ASCC3: variants seen among roughly 807,000 people sequenced by gnomAD.
ASCC3 encodes the protein activating signal cointegrator 1 complex subunit 3, also known as ASC-1 complex subunit P200.
Under a neutral mutation model 256.3 loss-of-function variants are expected in ASCC3, and 158 were observed. The ratio of observed to expected loss-of-function variants is 0.62; its 90% CI spans 0.54 to 0.70. The LOEUF is 0.70. ASCC3 is among the 30% of genes least tolerant of loss of function. ASCC3 has a pLI of 0.00. For synonymous variants in ASCC3, 948 were observed against 883.4 expected, an observed-to-expected ratio of 1.07 and a Z score of -1.30; for missense variants, 2,259 against 2,626.0, an observed-to-expected ratio of 0.86 and a Z score of 3.05.
chr6:100,624,091 A>G (rs913071783), intron 30 of ASCC3, among the ~76,000 whole-genome samples: 1 of 151,916 alleles, frequency 6.6e-6, no homozygotes, highest in Non-Finnish European at 1.5e-5. Flanking sequence ...CGTTGTACAC[A>G]TGTACCCTAA....
chr6:100,800,442 G>C lies in ASCC3; in HGVS notation c.985C>G (p.Gln329Glu), dbSNP rs1309098024. ...ATTAACTGCTTTTCTTGTTCAGACT[G>C]AATAGTGACTTGACAACCATAATTG... ...KPNYGCQVTI[Q>E]SEQEKQLMKQ... The change falls in exon 6 of 42, where the codon CAG becomes GAG. Residue 329 changes from glutamine (Q) to glutamate (E), a missense_variant. Coordinates refer to ENST00000369162, the MANE Select transcript of ASCC3 (RefSeq NM_006828.4). 1.9e-6 allele frequency: 3 copies of C among 1,612,284 alleles called. No individual in the cohort carries two copies. The highest frequency in any genetic ancestry group is 1.7e-5 in the Admixed American group (1 of 59,840).
At chr6:100,795,992 G>C (rs2114324032) in intron 8 of ASCC3, among the ~76,000 whole-genome samples, 1 of 152,212 alleles carries the variant, frequency 6.6e-6, no homozygotes, top group Middle Eastern at 3.4e-3. Flanking sequence ...AATATCTACA[G>C]TGATATGATA....
intron 25 of ASCC3, among the ~76,000 whole-genome samples, chr6:100,637,386 G>A (rs1477012753): frequency 3.3e-5 from 5 of 152,098 alleles, no homozygotes; most frequent in East Asian, 1.9e-4. Context: ...AAAATGTGAC[G>A]CTCATTGACA....
intron 10 of ASCC3, among the ~76,000 whole-genome samples, chr6:100,749,762 C>G (rs2115090888): frequency 6.6e-6 from 1 of 151,900 alleles, no homozygotes; most frequent in Non-Finnish European, 1.5e-5. Flanking sequence ...CCAAGCACAA[C>G]TAATTTCCTT....
chr6:100,806,845 A>G (rs1314747395), intron 4 of ASCC3, among the ~76,000 whole-genome samples: 2 of 152,076 alleles, frequency 1.3e-5, no homozygotes, highest in East Asian at 3.9e-4. Context: ...TCTATTGGCC[A>G]GTACTTTTTA....
chr6:100,570,727 C>A (rs965218965), intron 36 of ASCC3, among the ~76,000 whole-genome samples: 3 of 152,182 alleles, frequency 2.0e-5, no homozygotes, highest in Non-Finnish European at 2.9e-5. Context: ...ACAGTCCCCC[C>A]ATTCCCCAAG....
Position 100,650,634 on chromosome 6 carries a change from A to C in ASCC3, c.3156T>G (p.Asn1052Lys). 2.5e-6 allele frequency: 4 copies of C among 1,612,782 alleles called. No homozygotes were observed. Among genetic ancestry groups the C allele is most frequent in the Non-Finnish European group, 3.4e-6 (4 of 1,179,108 alleles). The change falls in exon 20 of 42, where the codon AAT (asparagine) becomes AAG (lysine). Residue 1052 changes from asparagine (N) to lysine (K), a missense_variant. By Grantham distance (94) the Asn-to-Lys change is moderately conservative. Coordinates refer to ENST00000369162, the MANE Select transcript of ASCC3 (RefSeq NM_006828.4). ...CELSTPGGVE[N>K]SYGKINILLQ... ...GTAAGATGTTTATTTTCCCATAACT[A>C]TTCTCTACACCTCCAGGAGTGGAGA...
chr6:100,797,123 T>G (rs1327792644), intron 8 of ASCC3, among the ~76,000 whole-genome samples: 2 of 152,184 alleles, frequency 1.3e-5, no homozygotes, highest in Non-Finnish European at 2.9e-5. Flanking sequence ...TCATTATTAA[T>G]TTAAATAAAT....
At chr6:100,615,679 CCTT>C (rs1361602264) in intron 30 of ASCC3, among the ~76,000 whole-genome samples, 12 of 152,278 alleles carry the variant, frequency 7.9e-5, no homozygotes, top group African/African-American at 2.6e-4. Context: ...CATTTTGCCT[CCTT>C]CTTCAGTAGG....
At chr6:100,864,729 T>G (rs776527323) in intron 2 of ASCC3, among the ~76,000 whole-genome samples, 1 of 152,206 alleles carries the variant, frequency 6.6e-6, no homozygotes, top group Non-Finnish European at 1.5e-5. Flanking sequence ...GTGAGGCATT[T>G]GGAAGATTCT....
intron 24 of ASCC3, among the ~76,000 whole-genome samples, chr6:100,641,162 T>C (rs1775104455): frequency 6.6e-6 from 1 of 152,252 alleles, no homozygotes; most frequent in South Asian, 2.1e-4. Context: ...TCCTGAAAAA[T>C]CTGCTTCTAT....
intron 36 of ASCC3, among the ~76,000 whole-genome samples, chr6:100,556,842 T>A (rs1769601233): frequency 6.6e-6 from 1 of 151,894 alleles, no homozygotes; most frequent in South Asian, 2.1e-4. Flanking sequence ...CATTTTTTTT[T>A]AAGGGAGAAA....
chr6:100,544,979 G>T (rs562149496), intron 36 of ASCC3, among the ~76,000 whole-genome samples: 3 of 152,130 alleles, frequency 2.0e-5, no homozygotes, highest in Admixed American at 6.5e-5. Flanking sequence ...TTATTCTGGG[G>T]ATGCAGGATT....
chr6:100,741,641 C>T (rs1455395690), intron 10 of ASCC3, among the ~76,000 whole-genome samples: 1 of 152,252 alleles, frequency 6.6e-6, no homozygotes, highest in East Asian at 1.9e-4. Context: ...AGTCTTCAAG[C>T]TCTGAGATGA....
intron 36 of ASCC3, among the ~76,000 whole-genome samples, chr6:100,569,022 G>C (rs937647659): frequency 6.6e-6 from 1 of 151,992 alleles, no homozygotes; most frequent in Non-Finnish European, 1.5e-5. Flanking sequence ...CTCGTGATCT[G>C]ATTGCCTCGG....
chr6:100,670,940 T>C lies in ASCC3; in HGVS notation c.2287-8404A>G, dbSNP rs9498042. Among the ~76,000 whole-genome samples, 846 of 152,126 alleles carry C rather than the reference T, an allele frequency of 5.6e-3. 10 individuals carry two copies. The highest frequency in any genetic ancestry group is 0.02 in the African/African-American group (817 of 41,548). On this transcript the variant is annotated intron_variant, in intron 14 of 41. Coordinates refer to ENST00000369162, the MANE Select transcript of ASCC3 (RefSeq NM_006828.4). ...ATCCATCAATATAGGATTCCATATATGAATTACTGTAATATCCACATTGTG... is the reference window on the plus strand; with the variant it reads ...ATCCATCAATATAGGATTCCATATACGAATTACTGTAATATCCACATTGTG...
At chr6:100,753,806 T>C (rs576171967) in intron 10 of ASCC3, among the ~76,000 whole-genome samples, 1 of 152,146 alleles carries the variant, frequency 6.6e-6, no homozygotes, top group Admixed American at 6.6e-5. Context: ...CTGTTTTTGT[T>C]ATATTATTTG....
intron 4 of ASCC3, among the ~76,000 whole-genome samples, chr6:100,811,527 G>A (rs532495989): frequency 2.6e-5 from 4 of 151,938 alleles, no homozygotes; most frequent in Non-Finnish European, 5.9e-5. Context: ...ACAAAGGACA[G>A]TTTATAGAAT....
intron 32 of ASCC3, 120 bp downstream of exon 32, chr6:100,606,620 G>C (rs1772901414): frequency 1.7e-6 from 2 of 1,160,806 alleles, no homozygotes; most frequent in Admixed American, 4.9e-5. Flanking sequence ...CTTATCATCT[G>C]TTTAAATGTG....
Sources: allele counts gnomAD v4.1 joint callset (sites outside exome capture counted in the v4.1 genomes callset), GRCh38; gene constraint gnomAD v4.1.1; transcripts MANE v1.5; gene names NCBI Gene and HGNC (gene_info 2026-07-23, HGNC 2026-07-21).